The following GRK1 variants were observed in gnomAD, a reference collection of about 807,000 sequenced individuals.
The protein encoded by GRK1 is G protein-coupled receptor kinase 1.
Under a neutral mutation model 41.7 loss-of-function variants are expected in GRK1, and 28 were observed. That is an observed-to-expected ratio of 0.67 (90% confidence interval 0.50 to 0.92). The LOEUF (loss-of-function observed/expected upper bound fraction) is 0.92, where lower values mean the gene tolerates loss of function less well. Ranked by LOEUF, GRK1 falls within the 40% of genes least tolerant of loss-of-function variation. GRK1 has a pLI of 0.00. For synonymous variants in GRK1, 327 were observed against 286.7 expected (o/e 1.14, Z -1.42); for missense variants, 703 against 671.2 (o/e 1.05, Z -0.52).
chr13:113,658,692 G>A, the GRK1 span, among the ~76,000 whole-genome samples: 2 of 152,194 alleles, frequency 1.3e-5, no homozygotes, highest in East Asian at 3.9e-4. Flanking sequence ...GGCAGCTGGA[G>A]CTGGGTTGGC....
chr13:113,728,360 G>A (rs566028273), intron 4 of GRK1, among the ~76,000 whole-genome samples: 7 of 133,918 alleles, frequency 5.2e-5, no homozygotes, highest in South Asian at 4.7e-4. Context: ...TACCCATGGC[G>A]ATGAGGAGTA....
At chr13:113,649,872 G>C in the GRK1 span, among the ~76,000 whole-genome samples, 2 of 152,190 alleles carry the variant, frequency 1.3e-5, no homozygotes, top group Non-Finnish European at 2.9e-5. This position sits in a 1 kb window ranked among gnomAD's most constrained non-coding sequence, Gnocchi z 4.7. Context: ...CTGGGAAGTA[G>C]AAAAATTAGG....
rs1343473398 is a variant in GRK1 at position 113,671,774 on chromosome 13, A to G, written c.985+118A>G. 5 of 677,318 alleles carry G rather than the reference A, an allele frequency of 7.4e-6. No individual in the cohort carries two copies. Among genetic ancestry groups the G allele is most frequent in the Non-Finnish European group, 1.1e-5 (4 of 370,672 alleles). The allele number at this position is 677,318 out of a possible 1,614,324, so 42.0% of individuals were successfully genotyped here. On this transcript the variant is annotated intron_variant, in intron 3 of 6. Transcript: ENST00000335678. This position sits in a 1 kb window ranked among gnomAD's most constrained non-coding sequence, Gnocchi z 4.1. ...ACGGCTGTGTGGACGGTGGGGGTTC[A>G]TGAGGGCTGACGGCTTCGTGGACGG... is the stretch of plus-strand genomic sequence containing the variant.
intron 6 of GRK1, chr13:113,734,367 C>G (rs2049987279): frequency 6.6e-6 from 1 of 152,322 alleles, no homozygotes; most frequent in African/African-American, 2.4e-5. Context: ...CCCGCCCGCC[C>G]TGTAAGGAAG....
At chr13:113,657,071 C>T in the GRK1 span, among the ~76,000 whole-genome samples, 28 of 152,346 alleles carry the variant, frequency 1.8e-4, no homozygotes, top group African/African-American at 3.1e-4. Flanking sequence ...GAGCCTCCAG[C>T]GGGGGCTGCA....
intron 1 of GRK1, among the ~76,000 whole-genome samples, chr13:113,668,728 G>C (rs74720311): frequency 0.048 from 7,344 of 152,308 alleles, 554 homozygotes; most frequent in African/African-American, 0.16. Flanking sequence ...GAGGGGCAGC[G>C]GCTGTGCCGG....
At chr13:113,724,862 G>A (rs1206421151) in intron 4 of GRK1, among the ~76,000 whole-genome samples, 1 of 152,246 alleles carries the variant, frequency 6.6e-6, no homozygotes, top group Non-Finnish European at 1.5e-5. Context: ...GTGAGCGCGT[G>A]GGTGGAAGCC....
chr13:113,665,343 G>C (rs182630345), upstream of GRK1, among the ~76,000 whole-genome samples: 3 of 151,090 alleles, frequency 2.0e-5, no homozygotes, highest in Admixed American at 2.0e-4. Flanking sequence ...TGTGTCCCAG[G>C]TGTGTTGCAG....
chr13:113,657,373 C>T, the GRK1 span, among the ~76,000 whole-genome samples: 7 of 152,222 alleles, frequency 4.6e-5, no homozygotes, highest in Non-Finnish European at 8.8e-5. Context: ...GGGGTGAGGG[C>T]GTTTCCCGGA....
Position 113,735,095 on chromosome 13 carries a change from A to T in GRK1, c.1424A>T (p.Asp475Val). 1 of 1,517,960 alleles carries T rather than the reference A, an allele frequency of 6.6e-7. No individual in the cohort carries two copies. Among genetic ancestry groups the T allele is most frequent in the Non-Finnish European group, 8.8e-7 (1 of 1,132,354 alleles). 94.0% of individuals were successfully genotyped at this position (1,517,960 alleles called of 1,614,324 possible). The change falls in exon 7 of 7, where the codon GAC (aspartate) becomes GTC (valine). Residue 475 changes from aspartate to valine, a missense_variant. By Grantham distance (152) the Asp-to-Val change is radical. Transcript: ENST00000335678. Reference sequence around the variant, plus strand: ...ATGCTGATGCCCCCTTTCATCCCAGACTCCAAAACTGTCTACGCAAAGGAT... The same window carrying T: ...ATGCTGATGCCCCCTTTCATCCCAGTCTCCAAAACTGTCTACGCAAAGGAT... ...AGMLMPPFIP[D>V]SKTVYAKDIQ...
chr13:113,672,091 G>A (rs1359068080), intron 3 of GRK1, among the ~76,000 whole-genome samples: 4 of 152,044 alleles, frequency 2.6e-5, no homozygotes, highest in East Asian at 1.9e-4. Flanking sequence ...GCTGTGGCAC[G>A]GCCGGCCCTC....
the GRK1 span, among the ~76,000 whole-genome samples, chr13:113,659,283 T>C: frequency 6.6e-6 from 1 of 152,024 alleles, no homozygotes; most frequent in Non-Finnish European, 1.5e-5. Flanking sequence ...CTGCAGGAGG[T>C]TGATGGGAAT....
In GRK1 at chr13:113,731,265, C is replaced by T. The variant is rs777306236; in HGVS notation, c.1116C>T (p.Ser372=). Residue 372 remains serine, a synonymous_variant, in exon 5 of 7, where the codon TCC becomes TCT. Transcript: ENST00000335678. This position sits in a 1 kb window ranked among gnomAD's most constrained non-coding sequence, Gnocchi z 5.6. The part of the protein sequence containing the change: ...ELLQGEEYDF[S]VDYFALGVTL... ...TGCAGGGCGAGGAGTACGACTTCTC[C>T]GTGGACTACTTTGCCCTGGGGGTCA... 86 of 1,537,012 alleles carry T rather than the reference C, an allele frequency of 5.6e-5. No homozygotes were observed. Among genetic ancestry groups the T allele is most frequent in the Admixed American group, 9.8e-5 (5 of 50,974 alleles).
the GRK1 span, among the ~76,000 whole-genome samples, chr13:113,658,649 C>G: frequency 6.6e-6 from 1 of 152,184 alleles, no homozygotes; most frequent in Non-Finnish European, 1.5e-5. Flanking sequence ...GCGGCCGCCC[C>G]GATTCTGGGT....
rs2049949236 is a variant in GRK1, at chr13:113,733,061, C to T, written c.1372C>T (p.Leu458Phe). 1 of 1,536,868 alleles carries T rather than the reference C, an allele frequency of 6.5e-7. No individual in the cohort carries two copies. The highest frequency in any genetic ancestry group is 1.2e-5 in the South Asian group (1 of 84,054). The change falls in exon 6 of 7, where the codon CTT (leucine) becomes TTT (phenylalanine). Residue 458 changes from leucine to phenylalanine, a missense_variant. Physicochemically the swap from Leu to Phe is conservative, Grantham distance 22. Coordinates refer to ENST00000335678, the MANE Select transcript of GRK1 (RefSeq NM_002929.3). ...KLRAHPLFKD[L>F]NWRQLEAGML... ...CCGTGCCCACCCCCTCTTCAAGGAC[C>T]TTAACTGGAGGCAGCTGGAGGCTGG...
rs2049855664 is a variant in GRK1 at position 113,671,375 on chromosome 13, G to A, written c.828-124G>A. 4.2e-6 allele frequency: 3 copies of A among 707,634 alleles called. No homozygotes were observed. The highest frequency in any genetic ancestry group is 7.7e-6 in the Non-Finnish European group (3 of 387,574). The allele number at this position is 707,634 out of a possible 1,614,324, so 43.8% of individuals were successfully genotyped here. A position where few individuals can be genotyped will look rare whatever the true frequency, so the allele number is the denominator to read the frequency against. ...GTGTCCTCTGCAGGGACGTAGGGGG[G>A]CCAGGCCTCAAAACGACCAGAACGC... On this transcript the variant is annotated intron_variant, in intron 2 of 6. Coordinates refer to ENST00000335678, the MANE Select transcript of GRK1 (RefSeq NM_002929.3). The surrounding 1 kb of genome is among the most constrained non-coding windows in gnomAD (Gnocchi z 4.1).
At chr13:113,726,723 C>T (rs1362575846) in intron 4 of GRK1, among the ~76,000 whole-genome samples, 8 of 152,150 alleles carry the variant, frequency 5.3e-5, no homozygotes, top group East Asian at 3.9e-4. Context: ...GGGCCTTGCT[C>T]GTGCCCGGCC....
At chr13:113,654,715 A>G in the GRK1 span, 3 of 1,481,510 alleles carry the variant, frequency 2.0e-6, no homozygotes, top group South Asian at 2.8e-5. Flanking sequence ...CCTGGGCTTC[A>G]TTTCTGGGGA....
chr13:113,733,563 A>G lies in GRK1; in HGVS notation c.1396+478A>G, dbSNP rs2049955699. 4.4e-5 allele frequency among the ~76,000 whole-genome samples: 6 copies of G among 137,390 alleles called. No homozygotes were observed. In the South Asian group the frequency reaches 1.4e-3, roughly 33 times the overall value. 90.1% of individuals were successfully genotyped at this position (137,390 alleles called of 152,430 possible). ...CATGCGTGTGCGCGCACGTGTGTCC[A>G]TGTATGTGTATGTGTGTGCATACGT... On this transcript the variant is annotated intron_variant, in intron 6 of 6. Coordinates refer to ENST00000335678, the MANE Select transcript of GRK1 (RefSeq NM_002929.3).
Sources: gnomAD v4.1 joint callset for allele counts (sites outside exome capture counted in the v4.1 genomes callset) on GRCh38, gnomAD v4.1.1 for gene constraint, Gnocchi (gnomAD v3.1) non-coding constraint, MANE v1.5 for transcripts, NCBI Gene and HGNC (gene_info 2026-07-23, HGNC 2026-07-21) for gene names.